The following IGSF5 variants were observed in gnomAD, a reference collection of about 807,000 sequenced individuals.
The protein encoded by IGSF5 is immunoglobulin superfamily member 5.
Under a neutral mutation model 39.4 loss-of-function variants are expected in IGSF5, and 41 were observed. The ratio of observed to expected loss-of-function variants is 1.04; its 90% CI spans 0.81 to 1.35. The LOEUF (loss-of-function observed/expected upper bound fraction) is 1.35, where lower values mean the gene tolerates loss of function less well. IGSF5 is among the 40% of genes most tolerant of loss of function. The probability of loss-of-function intolerance (pLI) is 0.00; values close to 1 mark genes in which losing one functional copy is unlikely to be tolerated. For synonymous variants in IGSF5, 183 were observed against 175.3 expected (o/e 1.04, Z -0.34); for missense variants, 487 against 494.6 (o/e 0.98, Z 0.15).
At chr21:39,748,264 T>C (rs1735145) in intron 2 of IGSF5, among the ~76,000 whole-genome samples, 121,093 of 148,298 alleles carry the variant, frequency 0.82, 49,653 homozygotes, top group Admixed American at 0.86. Context: ...TTCACATGAC[T>C]TTTCCTTGAA....
chr21:39,716,691 T>C, the IGSF5 span, among the ~76,000 whole-genome samples: 1 of 152,382 alleles, frequency 6.6e-6, no homozygotes, highest in East Asian at 1.9e-4. Context: ...TTCTTCTTTA[T>C]GGTTGCATAA....
At chr21:39,750,631 A>G (rs1734859) in intron 2 of IGSF5, among the ~76,000 whole-genome samples, 124,155 of 152,016 alleles carry the variant, frequency 0.82, 50,874 homozygotes, top group Admixed American at 0.86. Context: ...CTAGCACTTG[A>G]GGGTGGGGGG....
rs1225871852 is a variant in IGSF5 at position 39,801,346 on chromosome 21, A to G, written c.1213A>G (p.Thr405Ala). ...LASPEKVSNTTVV is the reference protein window; with the variant it reads ...LASPEKVSNTAVV ...CAGTCCTGAGAAGGTCAGTAATACA[A>G]CTGTAGTATAGCAAAGCCTTCCCCA... Residue 405 changes from threonine (T) to alanine (A), a missense_variant, in exon 9 of 9, where the codon ACT becomes GCT. By Grantham distance (58) the Thr-to-Ala change is moderately conservative. Coordinates refer to ENST00000380588, the MANE Select transcript of IGSF5 (RefSeq NM_001080444.2). 6.2e-6 allele frequency: 10 copies of G among 1,612,466 alleles called. No homozygotes were observed. The highest frequency in any genetic ancestry group is 1.3e-5 in the African/African-American group (1 of 75,006).
intron 2 of IGSF5, among the ~76,000 whole-genome samples, chr21:39,755,480 A>C (rs562630193): frequency 0.019 from 2,883 of 151,720 alleles, 47 homozygotes; most frequent in Non-Finnish European, 0.029. Context: ...CCAGCTACTC[A>C]GGAGGCTGAG....
chr21:39,776,214 A>T (rs1049327974), intron 4 of IGSF5, among the ~76,000 whole-genome samples: 2 of 151,440 alleles, frequency 1.3e-5, no homozygotes, highest in Admixed American at 1.3e-4. Context: ...ATAGATATAA[A>T]ATATATATTA....
the IGSF5 span, among the ~76,000 whole-genome samples, chr21:39,722,160 T>C: frequency 6.6e-6 from 1 of 152,132 alleles, no homozygotes; most frequent in African/African-American, 2.4e-5. Flanking sequence ...AAGCACTGAC[T>C]GAGTGGAAAG....
chr21:39,739,541 C>A, the IGSF5 span, among the ~76,000 whole-genome samples: 1 of 152,170 alleles, frequency 6.6e-6, no homozygotes, highest in African/African-American at 2.4e-5. Context: ...ACCTTCCCAG[C>A]TAGGCTTAGG....
At chr21:39,774,884 G>T (rs2080131894) in intron 4 of IGSF5, among the ~76,000 whole-genome samples, 1 of 152,208 alleles carries the variant, frequency 6.6e-6, no homozygotes, top group African/African-American at 2.4e-5. Context: ...GGCACTGATG[G>T]TGCAACTTTG....
the IGSF5 span, among the ~76,000 whole-genome samples, chr21:39,721,794 T>TCCAC: frequency 4.7e-4 from 71 of 151,640 alleles, no homozygotes; most frequent in African/African-American, 1.6e-3. Context: ...ATTCCACCCA[T>TCCAC]CCACCCATCC....
chr21:39,739,082 G>A, the IGSF5 span, among the ~76,000 whole-genome samples: 447 of 151,804 alleles, frequency 2.9e-3, no homozygotes, highest in Non-Finnish European at 4.0e-3. Flanking sequence ...GGAGACTGCC[G>A]CCACGCCTGG....
the IGSF5 span, among the ~76,000 whole-genome samples, chr21:39,720,508 A>G: frequency 6.6e-6 from 1 of 152,180 alleles, no homozygotes; most frequent in African/African-American, 2.4e-5. Flanking sequence ...CGTGAAAAAC[A>G]TCAGACAAAT....
chr21:39,723,525 G>A, the IGSF5 span, among the ~76,000 whole-genome samples: 3 of 152,168 alleles, frequency 2.0e-5, no homozygotes, highest in African/African-American at 7.2e-5. Context: ...TATGATTACT[G>A]GAGGCAGGGA....
chr21:39,722,638 T>A, the IGSF5 span: 2 of 152,224 alleles, frequency 1.3e-5, no homozygotes, highest in Non-Finnish European at 2.9e-5. Context: ...CTGTCTGATA[T>A]ACCTAACGAC....
At chr21:39,736,090 TTCCTAAGGGG>T in the IGSF5 span, among the ~76,000 whole-genome samples, 1 of 152,166 alleles carries the variant, frequency 6.6e-6, no homozygotes, top group Admixed American at 6.5e-5. Context: ...CTCTTTTAAC[TTCCTAAGGGG>T]TCCCAGGCCC....
chr21:39,794,426 G>T (rs1432191751), intron 8 of IGSF5, among the ~76,000 whole-genome samples: 2 of 152,140 alleles, frequency 1.3e-5, no homozygotes, highest in Admixed American at 1.3e-4. Flanking sequence ...GTTTCGATGG[G>T]AGCTGTCTTT....
At chr21:39,749,576 A>G (rs1225779084) in intron 2 of IGSF5, among the ~76,000 whole-genome samples, 1 of 152,232 alleles carries the variant, frequency 6.6e-6, no homozygotes, top group African/African-American at 2.4e-5. Context: ...ACACAGCCTC[A>G]GGAGGCCCTG....
intron 5 of IGSF5, among the ~76,000 whole-genome samples, chr21:39,785,801 T>G (rs2080197697): frequency 6.6e-6 from 1 of 152,094 alleles, no homozygotes; most frequent in Non-Finnish European, 1.5e-5. Flanking sequence ...TCCTAGGTAT[T>G]TTATTCTCTT....
intron 4 of IGSF5, among the ~76,000 whole-genome samples, chr21:39,777,827 T>A (rs1275204132): frequency 6.6e-6 from 1 of 152,180 alleles, no homozygotes; most frequent in Non-Finnish European, 1.5e-5. Flanking sequence ...AGCAAACTAC[T>A]ATTGCAAGGT....
At chr21:39,724,300 G>A in the IGSF5 span, among the ~76,000 whole-genome samples, 1 of 152,148 alleles carries the variant, frequency 6.6e-6, no homozygotes, top group African/African-American at 2.4e-5. Flanking sequence ...AGGAGGTGTA[G>A]ACATTTGACT....
Sources: allele counts gnomAD v4.1 joint callset (sites outside exome capture counted in the v4.1 genomes callset), GRCh38; gene constraint gnomAD v4.1.1; transcripts MANE v1.5; gene names NCBI Gene and HGNC (gene_info 2026-07-23, HGNC 2026-07-21).